Variants in MYH7 observed in about 807,000 individuals in gnomAD.
The protein encoded by MYH7 is myosin heavy chain 7.
Under a neutral mutation model 225.4 loss-of-function variants are expected in MYH7, and 129 were observed. The observed-to-expected ratio is 0.57, with a 90% CI of 0.50 to 0.66. MYH7 has a LOEUF of 0.66. Among genes scored for constraint, MYH7 ranks in the 30% least tolerant of loss-of-function variants. The pLI, the probability that MYH7 is intolerant of heterozygous loss-of-function variation, is 0.00. For missense variants in MYH7, 1,649 were observed against 2,517.0 expected (o/e 0.66, Z 7.38); for synonymous variants, 971 against 1,007.6 (o/e 0.96, Z 0.69).
In MYH7 at chr14:23,435,602, T is replaced by G. The variant is rs1220115560; in HGVS notation, c.-65+18A>C. 3 of 152,242 alleles carry G rather than the reference T, an allele frequency of 2.0e-5. No individual in the cohort carries two copies. In the East Asian group the frequency reaches 5.8e-4, roughly 29 times the overall value. 9.4% of individuals were successfully genotyped at this position (152,242 alleles called of 1,614,324 possible). ...AGCCCCCTTATCCCAGAGTAAAGCC[T>G]CCAGCTCCCGCTCCTACCTGAGAGC... On this transcript the variant is annotated intron_variant, in intron 1 of 39. Transcript: ENST00000355349.
At chr14:23,430,795 C>T in intron 10 of MYH7, 106 bp downstream of exon 10, 1 of 1,246,260 alleles carries the variant, frequency 8.0e-7, no homozygotes, top group Admixed American at 1.7e-5. Context: ...TGAATTGAAT[C>T]CAGCAGTGCC....
In MYH7 at chr14:23,427,872, A is replaced by T; in HGVS notation, c.1601T>A (p.Leu534Gln). Residue 534 changes from leucine (L) to glutamine (Q), a missense_variant, in exon 16 of 40, where the codon CTG becomes CAG. Transcript: ENST00000355349. The part of the protein sequence containing the change: ...IEKPMGIMSI[L>Q]EEECMFPKAT... Reference sequence around the variant, plus strand: ...CTTGGGGAACATGCACTCCTCTTCCAGGATGGACATGATGCCCATGGGCTG... The same window carrying T: ...CTTGGGGAACATGCACTCCTCTTCCTGGATGGACATGATGCCCATGGGCTG... 6 of 1,614,166 alleles carry T rather than the reference A, an allele frequency of 3.7e-6. No homozygotes were observed. The highest frequency in any genetic ancestry group is 5.1e-6 in the Non-Finnish European group (6 of 1,180,000).
At chr14:23,424,463 C>A (rs1286174551) in intron 22 of MYH7, among the ~76,000 whole-genome samples, 1 of 152,212 alleles carries the variant, frequency 6.6e-6, no homozygotes, top group African/African-American at 2.4e-5. Context: ...AAATGGACAG[C>A]TTTATTCCCT....
intron 24 of MYH7, 122 bp downstream of exon 24, chr14:23,423,425 A>G (rs1046268480): frequency 3.7e-6 from 5 of 1,351,796 alleles, no homozygotes; most frequent in Non-Finnish European, 1.0e-6. Context: ...CCCCCTCTAA[A>G]CATAAACACA....
rs397516264 is a variant in MYH7, at chr14:23,431,602, C to T, written c.715G>A (p.Asp239Asn). Residue 239 changes from aspartate (D) to asparagine (N), a missense_variant, in exon 8 of 40, where the codon GAC becomes AAC. Asp to Asn is a conservative substitution (Grantham distance 23). Transcript: ENST00000355349. ...AFGNAKTVRN[D>N]NSSRFGKFIR... is the part of the protein sequence containing the mutation. ...CCACTCACGAAGCGGGAGGAGTTGTCGTTCCGGACGGTCTTGGCATTGCCA... is the reference window on the plus strand; with the variant it reads ...CCACTCACGAAGCGGGAGGAGTTGTTGTTCCGGACGGTCTTGGCATTGCCA... 4.3e-6 allele frequency: 7 copies of T among 1,614,268 alleles called. No individual in the cohort carries two copies. The highest frequency in any genetic ancestry group is 3.3e-5 in the Admixed American group (2 of 60,032).
Position 23,418,218 on chromosome 14 carries a change from C to T in MYH7, c.4161G>A (p.Glu1387=), listed in dbSNP as rs1892307252. ...TDAIQRTEEL[E]EAKKKLAQRL... is the part of the protein sequence containing the mutation. The stretch of plus-strand genomic sequence containing the variant: ...GGCTGCTCAGAACTCACTTGGCCTC[C>T]TCGAGCTCCTCAGTCCGCTGAATGG... The change falls in exon 30 of 40, where the codon GAG becomes GAA. Residue 1387 remains glutamate (E), a synonymous_variant. Coordinates refer to ENST00000355349, the MANE Select transcript of MYH7 (RefSeq NM_000257.4). The T allele has an allele frequency of 6.2e-7, 1 of 1,613,400 alleles. No individual in the cohort carries two copies. Among genetic ancestry groups the T allele is most frequent in the Non-Finnish European group, 8.5e-7 (1 of 1,180,046 alleles).
chr14:23,413,582 A>G (rs1892057736), intron 39 of MYH7, among the ~76,000 whole-genome samples, 177 bp downstream of exon 39: 1 of 152,028 alleles, frequency 6.6e-6, no homozygotes, highest in Admixed American at 6.5e-5. Context: ...AAAAAAAAAA[A>G]AAAGTTAGAG....
At chr14:23,416,809 C>T (rs1892230410) in intron 33 of MYH7, 59 bp downstream of exon 33, 2 of 1,612,184 alleles carry the variant, frequency 1.2e-6, no homozygotes, top group East Asian at 4.5e-5. Flanking sequence ...GGGATGAGAA[C>T]AGGGACCAAA....
intron 25 of MYH7, 149 bp downstream of exon 25, chr14:23,422,031 G>T (rs483352965): frequency 1.6e-6 from 2 of 1,251,522 alleles, no homozygotes; most frequent in African/African-American, 1.5e-5. Context: ...GGGGAGGAAA[G>T]CCCTTGCCTG....
rs2856897 is a variant in MYH7, at chr14:23,424,875, C to T, written c.2573G>A (p.Arg858His). Reference sequence around the variant, plus strand: ...GGACTTCTCTAGCGCCTCTTTGAGGCGTGTGAACTCCTCCTTCATGGAGGC... The same window carrying T: ...GGACTTCTCTAGCGCCTCTTTGAGGTGTGTGAACTCCTCCTTCATGGAGGC... The part of the protein sequence containing the change: ...EMASMKEEFT[R>H]LKEALEKSEA... Residue 858 changes from arginine (R) to histidine (H), a missense_variant, in exon 22 of 40, where the codon CGC (arginine) becomes CAC (histidine). Physicochemically the swap from Arg to His is conservative, Grantham distance 29. Transcript: ENST00000355349. The T allele has an allele frequency of 1.5e-5, 24 of 1,614,226 alleles. No individual in the cohort carries two copies. The highest frequency in any genetic ancestry group is 3.3e-5 in the Admixed American group (2 of 60,026).
chr14:23,424,588 C>T (rs757010831), intron 22 of MYH7, among the ~76,000 whole-genome samples, 181 bp downstream of exon 22: 1 of 152,216 alleles, frequency 6.6e-6, no homozygotes, highest in Non-Finnish European at 1.5e-5. Flanking sequence ...TAAAAGTCAG[C>T]TCTTTTCCCT....
rs1351661186 is a variant in MYH7 at position 23,417,232 on chromosome 14, C to A, written c.4440G>T (p.Glu1480Asp). 6.2e-7 allele frequency: 1 copy of A among 1,614,076 alleles called. No homozygotes were observed. Among genetic ancestry groups the A allele is most frequent in the African/African-American group, 1.3e-5 (1 of 74,924 alleles). The change falls in exon 32 of 40, where the codon GAG becomes GAT. Residue 1480 changes from glutamate (E) to aspartate (D), a missense_variant. Glu to Asp is a conservative substitution (Grantham distance 45, BLOSUM62 2). Around this residue, in one of 12 missense-constraint regions of MYH7, gnomAD observed 687 missense variants for 913.8 expected, o/e 0.75. Coordinates refer to ENST00000355349, the MANE Select transcript of MYH7 (RefSeq NM_000257.4). ...SQKEARSLST[E>D]LFKLKNAYEE... ...CATAGGCGTTCTTGAGTTTGAAGAG[C>A]TCTGTGCTGAGGGAGCGAGCCTCCT...
chr14:23,429,171 T>C, intron 13 of MYH7, 58 bp downstream of exon 13: 1 of 1,613,924 alleles, frequency 6.2e-7, no homozygotes, highest in Non-Finnish European at 8.5e-7. Context: ...AAAACTCTCA[T>C]CCCACCATGC....
Position 23,433,768 on chromosome 14 carries a change from C to T in MYH7, c.-8-28G>A. On this transcript the variant is annotated intron_variant, in intron 2 of 39. Transcript: ENST00000355349. The surrounding 1 kb of genome is among the most constrained non-coding windows in gnomAD (Gnocchi z 4.1). The stretch of plus-strand genomic sequence containing the variant: ...GGAGTGAGCAGAAGCTGGCTGCCCT[C>T]CCATCTGCCCATTCTTCCCTTCCCT... 6.2e-7 allele frequency: 1 copy of T among 1,607,006 alleles called. No individual in the cohort carries two copies. The highest frequency in any genetic ancestry group is 8.5e-7 in the Non-Finnish European group (1 of 1,175,462).
intron 11 of MYH7, 120 bp from the exon 12 acceptor site, chr14:23,430,033 T>G: frequency 8.4e-7 from 1 of 1,195,800 alleles, no homozygotes; most frequent in Non-Finnish European, 1.2e-6. Flanking sequence ...GAGACTCCCA[T>G]ACCCAGTGGG....
At chr14:23,429,949 A>G in intron 11 of MYH7, 36 bp from the exon 12 acceptor site, 1 of 1,612,678 alleles carries the variant, frequency 6.2e-7, no homozygotes. Flanking sequence ...ACCCCAGAAA[A>G]AGAAGTATGA....
intron 26 of MYH7, 41 bp from the exon 27 acceptor site, chr14:23,420,275 C>G (rs768195186): frequency 6.3e-7 from 1 of 1,599,542 alleles, no homozygotes; most frequent in Non-Finnish European, 8.5e-7. Flanking sequence ...GCCTGGACCC[C>G]TCCACTGGAA....
intron 37 of MYH7, 87 bp downstream of exon 37, chr14:23,414,908 G>A: frequency 2.5e-6 from 4 of 1,593,596 alleles, no homozygotes; most frequent in South Asian, 1.1e-5. Context: ...CCTGGAAGAG[G>A]CTAAGAGCAA....
rs1218838718 is a variant in MYH7 at position 23,417,002 on chromosome 14, G to C, written c.4520-10C>G. The C allele has an allele frequency of 6.2e-7, 1 of 1,614,228 alleles. No individual in the cohort carries two copies. The highest frequency in any genetic ancestry group is 8.5e-7 in the Non-Finnish European group (1 of 1,180,050). The stretch of plus-strand genomic sequence containing the variant: ...AAGTCGGAGATCTCCTCTGTGTGGG[G>C]AACACGGTAACTCGGTTGAGGGCTG... On this transcript the variant is annotated splice_polypyrimidine_tract_variant and intron_variant, in intron 32 of 39. Transcript: ENST00000355349.
Sources: allele counts gnomAD v4.1 joint callset (sites outside exome capture counted in the v4.1 genomes callset), GRCh38; gene constraint gnomAD v4.1.1; regional missense constraint gnomAD v4.1.1; non-coding constraint Gnocchi (gnomAD v3.1); transcripts MANE v1.5; gene names NCBI Gene and HGNC (gene_info 2026-07-23, HGNC 2026-07-21).